MYLK4: variants seen among roughly 807,000 people sequenced by gnomAD.
MYLK4 encodes caMLCK like.
A neutral mutation model predicts 48.1 loss-of-function variants in MYLK4; 46 were observed. The ratio of observed to expected loss-of-function variants is 0.96; its 90% CI spans 0.75 to 1.22. The LOEUF is 1.22. Among genes scored for constraint, MYLK4 ranks in the 50% most tolerant of loss-of-function variants. The probability of loss-of-function intolerance (pLI) is 0.00; values close to 1 mark genes in which losing one functional copy is unlikely to be tolerated. For missense variants in MYLK4, 451 were observed against 486.1 expected, an observed-to-expected ratio of 0.93 and a Z score of 0.68; for synonymous variants, 170 against 180.8, an observed-to-expected ratio of 0.94 and a Z score of 0.48.
At chr6:2,733,971 C>T (rs942900466) in intron 2 of MYLK4, among the ~76,000 whole-genome samples, 1 of 151,972 alleles carries the variant, frequency 6.6e-6, no homozygotes, top group Non-Finnish European at 1.5e-5. Context: ...CATCCCAAAA[C>T]TTGCTCAAAG....
At chr6:2,692,239 C>G (rs553646946) in intron 3 of MYLK4, among the ~76,000 whole-genome samples, 5 of 152,286 alleles carry the variant, frequency 3.3e-5, no homozygotes, top group African/African-American at 1.2e-4. Flanking sequence ...AATGTCTGTT[C>G]CATCTATATT....
chr6:2,675,641 T>C (rs1761052939), intron 10 of MYLK4, among the ~76,000 whole-genome samples: 1 of 152,188 alleles, frequency 6.6e-6, no homozygotes. Flanking sequence ...GATACTTTTA[T>C]GAAGAAACAA....
chr6:2,677,719 C>A (rs9405577), intron 10 of MYLK4, among the ~76,000 whole-genome samples: 1 of 152,004 alleles, frequency 6.6e-6, no homozygotes, highest in Non-Finnish European at 1.5e-5. Flanking sequence ...CAATTACTGG[C>A]GGTATGATGA....
At chr6:2,676,070 T>G (rs1225753278) in intron 10 of MYLK4, among the ~76,000 whole-genome samples, 1 of 143,180 alleles carries the variant, frequency 7.0e-6, no homozygotes, top group East Asian at 2.0e-4. Context: ...CCAGCCTAGG[T>G]GACAGTGTGA....
At chr6:2,758,903 C>G in the MYLK4 span, among the ~76,000 whole-genome samples, 1 of 152,050 alleles carries the variant, frequency 6.6e-6, no homozygotes, top group East Asian at 1.9e-4. Context: ...TGGCTGTTTT[C>G]CATTTAGGGC....
At chr6:2,746,062 C>T (rs529729723) in intron 2 of MYLK4, among the ~76,000 whole-genome samples, 5 of 151,762 alleles carry the variant, frequency 3.3e-5, no homozygotes, top group East Asian at 1.9e-4. Flanking sequence ...ACCAGCCTGA[C>T]CAATGTGGTG....
chr6:2,679,341 T>C lies in MYLK4; in HGVS notation c.826A>G (p.Asn276Asp). The C allele has an allele frequency of 6.2e-7, 1 of 1,614,140 alleles. No individual in the cohort carries two copies. The highest frequency in any genetic ancestry group is 1.6e-4 in the Middle Eastern group (1 of 6,062). The change falls in exon 9 of 13, where the codon AAC becomes GAC. Residue 276 changes from asparagine (N) to aspartate (D), a missense_variant. By Grantham distance (23) the Asn-to-Asp change is conservative. Transcript: ENST00000274643. The part of the protein sequence containing the change: ...TPEFLAPEVV[N>D]YDFVSFPTDM... ...GTGGGAAATGAAACAAAATCATAGT[T>C]CACAACTTCAGGGGCGAGAAATTCT... is the stretch of plus-strand genomic sequence containing the variant.
intron 2 of MYLK4, among the ~76,000 whole-genome samples, chr6:2,731,922 G>A (rs901070334): frequency 2.0e-5 from 3 of 152,236 alleles, no homozygotes; most frequent in African/African-American, 7.2e-5. Flanking sequence ...CATTCTTTGA[G>A]TAGTGGGGAG....
intron 6 of MYLK4, among the ~76,000 whole-genome samples, chr6:2,683,612 T>C (rs1007903271): frequency 1.3e-5 from 2 of 152,134 alleles, no homozygotes; most frequent in African/African-American, 4.8e-5. Flanking sequence ...TAGAGATGGG[T>C]TTCACTGTGT....
At chr6:2,768,559 G>A in the MYLK4 span, 1 of 604,850 alleles carries the variant, frequency 1.7e-6, no homozygotes, top group Non-Finnish European at 2.7e-6. Flanking sequence ...GATTGTTTCT[G>A]TGCTGCTCAG....
rs910958296 is a variant in MYLK4, at chr6:2,749,354, C to T, written c.-60G>A. On this transcript the variant is annotated 5_prime_UTR_variant, in exon 2 of 13. Transcript: ENST00000274643. ...GTGTGGTTTTCGTCTCCCTCTGTCTCCGATTTATAAATCAGGACACAATTA... is the reference window on the plus strand; with the variant it reads ...GTGTGGTTTTCGTCTCCCTCTGTCTTCGATTTATAAATCAGGACACAATTA... 9 of 1,377,456 alleles carry T rather than the reference C, an allele frequency of 6.5e-6. No individual in the cohort carries two copies. The highest frequency in any genetic ancestry group is 1.4e-5 in the African/African-American group (1 of 69,392). The allele number at this position is 1,377,456 out of a possible 1,614,324, so 85.3% of individuals were successfully genotyped here. A position where few individuals can be genotyped will look rare whatever the true frequency, so the allele number is the denominator to read the frequency against.
chr6:2,680,482 C>G lies in MYLK4; in HGVS notation c.688-191G>C, dbSNP rs1761254205. The G allele has an allele frequency of 3.8e-5, 37 of 985,422 alleles. 1 individual carries two copies. Among genetic ancestry groups the G allele is most frequent in the Non-Finnish European group, 4.5e-5 (37 of 829,930 alleles). 61.0% of individuals were successfully genotyped at this position (985,422 alleles called of 1,614,324 possible). ...GATGAGGTTGCGGGTATCCTGCCAACCCTGCATTATCCAGCCTGTCCTCTG... is the reference window on the plus strand; with the variant it reads ...GATGAGGTTGCGGGTATCCTGCCAAGCCTGCATTATCCAGCCTGTCCTCTG... On this transcript the variant is annotated intron_variant, in intron 7 of 12. Coordinates refer to ENST00000274643, the MANE Select transcript of MYLK4 (RefSeq NM_001012418.5).
intron 12 of MYLK4, among the ~76,000 whole-genome samples, chr6:2,669,396 C>T (rs1429101086): frequency 6.6e-6 from 1 of 152,228 alleles, no homozygotes; most frequent in African/African-American, 2.4e-5. Flanking sequence ...TGTGGAAGGA[C>T]TCTACCCCCT....
intron 2 of MYLK4, among the ~76,000 whole-genome samples, chr6:2,730,047 C>G (rs575584144): frequency 6.6e-6 from 1 of 152,160 alleles, no homozygotes; most frequent in Admixed American, 6.5e-5. Context: ...GTCAGTGGTT[C>G]GACAATAATG....
intron 9 of MYLK4, among the ~76,000 whole-genome samples, chr6:2,678,994 G>A (rs1248722827): frequency 1.3e-5 from 2 of 152,212 alleles, no homozygotes; most frequent in Admixed American, 6.5e-5. Context: ...GAGCCACCGC[G>A]CCAGGCCATG....
Position 2,749,252 on chromosome 6 carries a change from T to C in MYLK4, c.43A>G (p.Asn15Asp). ...GCCATTTTCTCCAGCTGGTTGCTGT[T>C]ATAACACGTGTTGAATTCTTCCAGC... ...KRLEEFNTCY[N>D]SNQLEKMAFF... Residue 15 changes from asparagine (N) to aspartate (D), a missense_variant, in exon 2 of 13, where the codon AAC becomes GAC. Coordinates refer to ENST00000274643, the MANE Select transcript of MYLK4 (RefSeq NM_001012418.5). 4.3e-6 allele frequency: 7 copies of C among 1,614,136 alleles called. No individual in the cohort carries two copies. Among genetic ancestry groups the C allele is most frequent in the Non-Finnish European group, 5.9e-6 (7 of 1,179,992 alleles).
intron 2 of MYLK4, among the ~76,000 whole-genome samples, chr6:2,745,111 G>A (rs1764033676): frequency 1.3e-5 from 2 of 152,174 alleles, no homozygotes; most frequent in South Asian, 4.1e-4. Context: ...GGATGGGGGT[G>A]GTACACCGAG....
At chr6:2,742,381 G>A (rs1014666099) in intron 2 of MYLK4, among the ~76,000 whole-genome samples, 2 of 152,048 alleles carry the variant, frequency 1.3e-5, no homozygotes, top group Non-Finnish European at 2.9e-5. Flanking sequence ...TATACCCAAA[G>A]GATTATAAAT....
upstream of MYLK4, among the ~76,000 whole-genome samples, chr6:2,751,884 T>G (rs975308316): frequency 1.3e-5 from 2 of 152,238 alleles, no homozygotes; most frequent in Non-Finnish European, 2.9e-5. Context: ...TTGGAGAGCT[T>G]TGTTCTTCAG....
Sources: allele counts gnomAD v4.1 joint callset (sites outside exome capture counted in the v4.1 genomes callset), GRCh38; gene constraint gnomAD v4.1.1; transcripts MANE v1.5; gene names NCBI Gene and HGNC (gene_info 2026-07-23, HGNC 2026-07-21).